MICU1: variants seen among roughly 807,000 people sequenced by gnomAD.
MICU1 encodes the protein calcium uptake protein 1, mitochondrial.
In MICU1, 45 loss-of-function variants were observed where a neutral mutation model predicts 56.8. That is an observed-to-expected ratio of 0.79 (90% CI 0.62 to 1.02). MICU1 has a LOEUF of 1.02. Among genes scored for constraint, MICU1 ranks in the 50% least tolerant of loss-of-function variants. The pLI is 0.00. For missense variants in MICU1, 504 were observed against 587.1 expected, an observed-to-expected ratio of 0.86 and a Z score of 1.46; for synonymous variants, 186 against 195.1, an observed-to-expected ratio of 0.95 and a Z score of 0.39.
intron 10 of MICU1, among the ~76,000 whole-genome samples, chr10:72,407,224 C>G (rs1863660686): frequency 6.6e-6 from 1 of 152,144 alleles, no homozygotes; most frequent in African/African-American, 2.4e-5. Flanking sequence ...ATACTTACGT[C>G]TGCAACTTAC....
intron 10 of MICU1, among the ~76,000 whole-genome samples, chr10:72,382,087 T>C (rs767264196): frequency 1.3e-5 from 2 of 151,944 alleles, no homozygotes; most frequent in African/African-American, 2.4e-5. Flanking sequence ...ATAGTGTGTA[T>C]TTGGTACGAG....
intron 8 of MICU1, among the ~76,000 whole-genome samples, chr10:72,454,511 G>A (rs1047836658): frequency 1.8e-4 from 27 of 150,474 alleles, no homozygotes; most frequent in Non-Finnish European, 1.0e-4. Flanking sequence ...GGCCAGGCAC[G>A]GTGGCTCATG....
At chr10:72,507,241 G>T (rs1867283065) in intron 6 of MICU1, among the ~76,000 whole-genome samples, 1 of 151,022 alleles carries the variant, frequency 6.6e-6, no homozygotes, top group Admixed American at 6.6e-5. Context: ...GATTTTAATA[G>T]ACTACACATG....
chr10:72,476,637 T>G (rs1377112536), intron 7 of MICU1, among the ~76,000 whole-genome samples: 1 of 152,156 alleles, frequency 6.6e-6, no homozygotes, highest in Non-Finnish European at 1.5e-5. Flanking sequence ...ATACATACAG[T>G]TTTTCTGTTT....
intron 8 of MICU1, among the ~76,000 whole-genome samples, chr10:72,455,267 T>C (rs1258168291): frequency 6.8e-6 from 1 of 147,468 alleles, no homozygotes; most frequent in Non-Finnish European, 1.5e-5. Context: ...CAGGAAAAGC[T>C]TGAACCCGGG....
chr10:72,374,704 A>C (rs1862456802), intron 11 of MICU1, among the ~76,000 whole-genome samples: 1 of 152,086 alleles, frequency 6.6e-6, no homozygotes, highest in Non-Finnish European at 1.5e-5. Context: ...GATGATGAAC[A>C]ACAAATACTG....
intron 1 of MICU1, among the ~76,000 whole-genome samples, chr10:72,601,496 G>A (rs1183849049): frequency 2.7e-5 from 4 of 149,920 alleles, no homozygotes; most frequent in Admixed American, 2.7e-4. Flanking sequence ...AAAGTAAAAA[G>A]TGTATATATA....
intron 6 of MICU1, among the ~76,000 whole-genome samples, chr10:72,503,930 G>A (rs1867159615): frequency 6.6e-6 from 1 of 150,424 alleles, no homozygotes; most frequent in South Asian, 2.1e-4. Flanking sequence ...TGACCAAGAA[G>A]GTGAAAGATC....
intron 6 of MICU1, among the ~76,000 whole-genome samples, chr10:72,500,452 G>C (rs1047247561): frequency 6.7e-6 from 1 of 150,274 alleles, no homozygotes; most frequent in African/African-American, 2.5e-5. Flanking sequence ...CTCCCTAATA[G>C]CTGGGATTAC....
At chr10:72,472,399 A>T (rs1422866589) in intron 8 of MICU1, among the ~76,000 whole-genome samples, 1 of 152,156 alleles carries the variant, frequency 6.6e-6, no homozygotes, top group Non-Finnish European at 1.5e-5. Flanking sequence ...TTCTAGGCTG[A>T]TGTGTCACAT....
intron 8 of MICU1, among the ~76,000 whole-genome samples, chr10:72,473,718 C>T (rs994631756): frequency 6.6e-6 from 1 of 152,112 alleles, no homozygotes; most frequent in Non-Finnish European, 1.5e-5. Flanking sequence ...AGGGGGAAAT[C>T]AATTTGTTCC....
chr10:72,368,118 A>C lies in MICU1; in HGVS notation c.*77T>G. ...GGGGACTACTTCCAGAAGCAGCAGC[A>C]CAAAGGGCTCTGCCGAGACTCTGCG... On this transcript the variant is annotated 3_prime_UTR_variant, in exon 12 of 12. Transcript: ENST00000361114. 1 of 1,469,494 alleles carries C rather than the reference A, an allele frequency of 6.8e-7. No individual in the cohort carries two copies. Among genetic ancestry groups the C allele is most frequent in the Non-Finnish European group, 9.3e-7 (1 of 1,080,602 alleles). 91.0% of individuals were successfully genotyped at this position (1,469,494 alleles called of 1,614,324 possible). A position where few individuals can be genotyped will look rare whatever the true frequency, so the allele number is the denominator to read the frequency against.
At chr10:72,405,720 A>G (rs1465450503) in intron 10 of MICU1, among the ~76,000 whole-genome samples, 1 of 152,190 alleles carries the variant, frequency 6.6e-6, no homozygotes, top group Non-Finnish European at 1.5e-5. Flanking sequence ...GTCATCTACC[A>G]TATTAAAAGA....
At chr10:72,511,535 T>C (rs1028876718) in intron 5 of MICU1, among the ~76,000 whole-genome samples, 1 of 152,178 alleles carries the variant, frequency 6.6e-6, no homozygotes, top group African/African-American at 2.4e-5. Flanking sequence ...CTATAGTTAG[T>C]AATCGTATGT....
intron 5 of MICU1, among the ~76,000 whole-genome samples, chr10:72,515,129 C>G (rs1867605907): frequency 6.6e-6 from 1 of 152,194 alleles, no homozygotes; most frequent in Non-Finnish European, 1.5e-5. Context: ...CACAAGCAAA[C>G]TCTGTCAGGA....
chr10:72,419,585 G>A (rs1864089581), intron 9 of MICU1, among the ~76,000 whole-genome samples: 1 of 152,166 alleles, frequency 6.6e-6, no homozygotes, highest in Non-Finnish European at 1.5e-5. Context: ...ACCAAGTTAG[G>A]GCAATGCTAT....
intron 6 of MICU1, among the ~76,000 whole-genome samples, chr10:72,495,697 TA>T (rs1866818342): frequency 7.0e-6 from 1 of 143,486 alleles, no homozygotes; most frequent in Admixed American, 6.9e-5. Flanking sequence ...GCTACCGTAA[TA>T]AAGAAATTAG....
chr10:72,484,035 T>C (rs925764826), intron 6 of MICU1, among the ~76,000 whole-genome samples: 3 of 152,208 alleles, frequency 2.0e-5, no homozygotes, highest in Admixed American at 2.0e-4. Flanking sequence ...ATTTAGTGAT[T>C]TAATATGCTT....
intron 8 of MICU1, among the ~76,000 whole-genome samples, chr10:72,438,087 G>A (rs958997224): frequency 1.3e-5 from 2 of 152,274 alleles, no homozygotes; most frequent in African/African-American, 4.8e-5. Flanking sequence ...CAAATCAACA[G>A]AATATACATT....
Sources: gnomAD v4.1 joint callset for allele counts (sites outside exome capture counted in the v4.1 genomes callset) on GRCh38, gnomAD v4.1.1 for gene constraint, MANE v1.5 for transcripts, NCBI Gene and HGNC (gene_info 2026-07-23, HGNC 2026-07-21) for gene names.